The following PECAM1 variants were observed in gnomAD, a reference collection of about 807,000 sequenced individuals.
PECAM1 encodes the protein platelet and endothelial cell adhesion molecule 1.
In PECAM1, 8 loss-of-function variants were observed where a neutral mutation model predicts 13.8. That is an observed-to-expected ratio of 0.58 (90% confidence interval 0.34 to 1.05). PECAM1 has a LOEUF of 1.05. Among genes scored for constraint, PECAM1 ranks in the 50% least tolerant of loss-of-function variants. The pLI is 0.03. For synonymous variants in PECAM1, 136 were observed against 52.6 expected (o/e 2.58, Z -6.86); for missense variants, 304 against 141.2 (o/e 2.15, Z -5.84).
intron 2 of PECAM1, among the ~76,000 whole-genome samples, chr17:64,384,672 G>C (rs2036554877): frequency 6.6e-6 from 1 of 152,180 alleles, no homozygotes; most frequent in Admixed American, 6.6e-5. Context: ...CAAGCCTTCA[G>C]ATAACCGCAA....
chr17:64,345,945 C>T (rs1442632511), intron 13 of PECAM1, among the ~76,000 whole-genome samples: 2 of 152,184 alleles, frequency 1.3e-5, no homozygotes, highest in African/African-American at 2.4e-5. Context: ...GCTGCTGACA[C>T]TCAGCCCAGG....
intron 5 of PECAM1, among the ~76,000 whole-genome samples, chr17:64,366,230 C>T (rs112363023): frequency 6.6e-6 from 1 of 150,778 alleles, no homozygotes; most frequent in Non-Finnish European, 1.5e-5. Context: ...AAAATGCTCA[C>T]CATCACTGGC....
At chr17:64,361,320 AT>A (rs1485077288) in intron 6 of PECAM1, among the ~76,000 whole-genome samples, 2 of 151,802 alleles carry the variant, frequency 1.3e-5, no homozygotes, top group African/African-American at 4.8e-5. Context: ...TAACTTTTGT[AT>A]TTTTAGTAGA....
intron 9 of PECAM1, among the ~76,000 whole-genome samples, chr17:64,353,862 G>A (rs2035787941): frequency 6.6e-6 from 1 of 151,582 alleles, no homozygotes; most frequent in Non-Finnish European, 1.5e-5. Flanking sequence ...TTTTGTTAGT[G>A]AAATATGATG....
rs896092877 is a variant in PECAM1, at chr17:64,356,151, G to A, written c.1740C>T (p.His580=). 4 of 475,052 alleles carry A rather than the reference G, an allele frequency of 8.4e-6. No homozygotes were observed. Among genetic ancestry groups the A allele is most frequent in the South Asian group, 1.3e-4 (2 of 14,878 alleles). 29.4% of individuals were successfully genotyped at this position (475,052 alleles called of 1,614,324 possible). Residue 580 remains histidine, a synonymous_variant, in exon 8 of 16, where the codon CAC becomes CAT. Transcript: ENST00000563924. ...TTTTGCTTCTGGGGACACTGGAGGC[G>A]TGGTTGGCTCTGTTGAAGGCTGTGC... The part of the protein sequence containing the change: ...YYCTAFNRAN[H]ASSVPRSKIL...
chr17:64,331,240 A>C (rs1212092127), intron 14 of PECAM1, among the ~76,000 whole-genome samples: 1 of 149,146 alleles, frequency 6.7e-6, no homozygotes, highest in Non-Finnish European at 1.5e-5. Context: ...TCTGTCACCC[A>C]GGCTGGAGTG....
intron 14 of PECAM1, among the ~76,000 whole-genome samples, chr17:64,338,984 C>T (rs2035357470): frequency 6.6e-6 from 1 of 152,086 alleles, no homozygotes; most frequent in African/African-American, 2.4e-5. Flanking sequence ...TCTGCTTGTC[C>T]AATTCGCAGG....
In PECAM1 at chr17:64,321,702, G is replaced by A. The variant is rs2034814787; in HGVS notation, c.*2114C>T. ...CTTGAGCCCAGGGGTTCGAGGCTGC[G>A]GTGAGCCATTGTTGTGCCACTGCAC... On this transcript the variant is annotated 3_prime_UTR_variant, in exon 16 of 16. Coordinates refer to ENST00000563924, the MANE Select transcript of PECAM1 (RefSeq NM_000442.5). The A allele has an allele frequency of 4.5e-6, 4 of 883,884 alleles. No homozygotes were observed. Among genetic ancestry groups the A allele is most frequent in the African/African-American group, 1.8e-5 (1 of 56,688 alleles). The allele number at this position is 883,884 out of a possible 1,614,324, so 54.8% of individuals were successfully genotyped here. A position where few individuals can be genotyped will look rare whatever the true frequency, so the allele number is the denominator to read the frequency against.
chr17:64,323,980 C>A (rs563063644), intron 15 of PECAM1, 135 bp from the exon 16 acceptor site: 2 of 807,796 alleles, frequency 2.5e-6, no homozygotes, highest in Non-Finnish European at 4.4e-6. Flanking sequence ...TGGTCCCCCA[C>A]CCTGCAGGGT....
chr17:64,327,729 T>C (rs1216801299), intron 15 of PECAM1, among the ~76,000 whole-genome samples: 1 of 152,190 alleles, frequency 6.6e-6, no homozygotes, highest in Non-Finnish European at 1.5e-5. Flanking sequence ...GAAGTCAGAA[T>C]GTGCCATTGA....
intron 2 of PECAM1, among the ~76,000 whole-genome samples, chr17:64,381,796 C>T (rs929730479): frequency 4.6e-5 from 7 of 152,166 alleles, no homozygotes; most frequent in South Asian, 2.1e-4. Flanking sequence ...GATGAGCTCT[C>T]GACACACAAC....
intron 14 of PECAM1, among the ~76,000 whole-genome samples, chr17:64,334,516 T>A (rs2035216243): frequency 6.7e-6 from 1 of 148,280 alleles, no homozygotes. Context: ...TGGGCCCCAA[T>A]TTTTTTTTTT....
intron 13 of PECAM1, among the ~76,000 whole-genome samples, chr17:64,341,913 G>C (rs2035441162): frequency 6.6e-6 from 1 of 152,134 alleles, no homozygotes; most frequent in Non-Finnish European, 1.5e-5. Flanking sequence ...ACTTTGGGAG[G>C]GTGAGGGGGG....
At chr17:64,364,379 GAA>G (rs2036054066) in intron 5 of PECAM1, among the ~76,000 whole-genome samples, 5,597 of 151,930 alleles carry the variant, frequency 0.037, 349 homozygotes, top group African/African-American at 0.13. Flanking sequence ...ATTCACAGCC[GAA>G]TTCTACCAGA....
intron 6 of PECAM1, among the ~76,000 whole-genome samples, chr17:64,361,027 C>T (rs2035963266): frequency 6.6e-6 from 1 of 150,896 alleles, no homozygotes; most frequent in Non-Finnish European, 1.5e-5. Flanking sequence ...TCACTATGTG[C>T]TCAGGCTGGT....
intron 4 of PECAM1, among the ~76,000 whole-genome samples, chr17:64,372,732 A>C (rs2036269009): frequency 1.3e-5 from 2 of 151,636 alleles, no homozygotes; most frequent in Admixed American, 1.3e-4. Context: ...CAAACTCCTG[A>C]TTTCAGGTGA....
chr17:64,326,836 C>G (rs782765043), intron 15 of PECAM1, among the ~76,000 whole-genome samples: 4 of 152,216 alleles, frequency 2.6e-5, no homozygotes, highest in Non-Finnish European at 5.9e-5. Flanking sequence ...ATCGCCCTGC[C>G]TTGTACCCGG....
intron 5 of PECAM1, among the ~76,000 whole-genome samples, chr17:64,365,762 C>T (rs1418943903): frequency 6.6e-6 from 1 of 151,612 alleles, no homozygotes; most frequent in Admixed American, 6.6e-5. Flanking sequence ...GGAAAACTGG[C>T]TAGCCACATG....
chr17:64,332,539 C>T (rs1268278615), intron 14 of PECAM1, among the ~76,000 whole-genome samples: 11 of 152,146 alleles, frequency 7.2e-5, no homozygotes, highest in African/African-American at 2.7e-4. Flanking sequence ...TCCATTTTTT[C>T]ATGGGGATAC....
Sources: gnomAD v4.1 joint callset for allele counts (sites outside exome capture counted in the v4.1 genomes callset) on GRCh38, gnomAD v4.1.1 for gene constraint, MANE v1.5 for transcripts, NCBI Gene and HGNC (gene_info 2026-07-23, HGNC 2026-07-21) for gene names.